Variants in CDK15 observed in about 807,000 individuals in gnomAD.
CDK15 encodes the protein cyclin-dependent kinase 15.
A neutral mutation model predicts 60.3 loss-of-function variants in CDK15; 62 were observed. The ratio of observed to expected loss-of-function variants is 1.03; its 90% CI spans 0.84 to 1.27. The LOEUF is 1.27. Among genes scored for constraint, CDK15 ranks in the 50% most tolerant of loss-of-function variants. CDK15 has a pLI of 0.00. For synonymous variants in CDK15, 194 were observed against 195.7 expected, an observed-to-expected ratio of 0.99 and a Z score of 0.07; for missense variants, 541 against 527.8, an observed-to-expected ratio of 1.03 and a Z score of -0.25.
At chr2:201,845,282 A>T (rs1219582366) in intron 8 of CDK15, among the ~76,000 whole-genome samples, 6 of 152,224 alleles carry the variant, frequency 3.9e-5, no homozygotes, top group Admixed American at 2.6e-4. Context: ...TTAAGCTAAA[A>T]CCAAATATTT....
At chr2:201,881,647 A>G (rs1272220872) in intron 12 of CDK15, among the ~76,000 whole-genome samples, 1 of 152,198 alleles carries the variant, frequency 6.6e-6, no homozygotes, top group Non-Finnish European at 1.5e-5. Flanking sequence ...AGGTGAATCT[A>G]AAGTGGAATT....
chr2:201,877,355 G>A (rs1244597725), intron 11 of CDK15, among the ~76,000 whole-genome samples: 1 of 152,112 alleles, frequency 6.6e-6, no homozygotes, highest in African/African-American at 2.4e-5. Context: ...AGAACAAATC[G>A]CTGATTGGGG....
At position 201,847,401 on chromosome 2, in the gene CDK15, T is replaced by A. The variant is rs1697717847; in HGVS notation, c.872T>A (p.Ile291Asn). The change falls in exon 9 of 14, where the codon ATT becomes AAT. Residue 291 changes from isoleucine (I) to asparagine (N), a missense_variant. Coordinates refer to ENST00000652192, the MANE Select transcript of CDK15 (RefSeq NM_001366386.2). ...LDIWGAGCIF[I>N]EMFQGQPLFP... ...GCTAGGGGTGCAGGCTGCATCTTTA[T>A]TGAAATGTTCCAGGGTCAACCTTTG... The A allele has an allele frequency of 1.2e-6, 2 of 1,614,012 alleles. No homozygotes were observed. Among genetic ancestry groups the A allele is most frequent in the Non-Finnish European group, 1.7e-6 (2 of 1,180,010 alleles).
intron 10 of CDK15, among the ~76,000 whole-genome samples, chr2:201,856,999 G>A: frequency 1.1e-5 from 1 of 89,662 alleles, no homozygotes; most frequent in Non-Finnish European, 2.2e-5. Context: ...CGAGGCGGGT[G>A]GATCATGAGG....
chr2:201,836,267 G>A (rs1187106231), intron 8 of CDK15, among the ~76,000 whole-genome samples: 7 of 138,500 alleles, frequency 5.1e-5, no homozygotes, highest in Non-Finnish European at 7.6e-5. Flanking sequence ...GCAGTGGCAC[G>A]ATCTCAGCTC....
At chr2:201,861,529 A>T (rs1191906041) in intron 10 of CDK15, 3 of 968,162 alleles carry the variant, frequency 3.1e-6, no homozygotes, top group Admixed American at 6.6e-5. Context: ...AAAAGTTCCC[A>T]TTCAGTTTTT....
rs980566169 is a variant in CDK15 at position 201,806,804 on chromosome 2, A to G, written c.123+17A>G. The G allele has an allele frequency of 9.4e-6, 15 of 1,597,778 alleles. No homozygotes were observed. Among genetic ancestry groups the G allele is most frequent in the Non-Finnish European group, 1.3e-5 (15 of 1,179,206 alleles). The stretch of plus-strand genomic sequence containing the variant: ...GCGTTCAAGGTATTTGTATCCCAGG[A>G]GAGAGCATCTTTCTCTATTGATAAA... On this transcript the variant is annotated intron_variant, in intron 1 of 13. Coordinates refer to ENST00000652192, the MANE Select transcript of CDK15 (RefSeq NM_001366386.2).
At chr2:201,884,931 T>A (rs1367272310) in intron 12 of CDK15, among the ~76,000 whole-genome samples, 1 of 152,176 alleles carries the variant, frequency 6.6e-6, no homozygotes, top group Non-Finnish European at 1.5e-5. Context: ...GCAGATCAAG[T>A]ATACAAATAA....
intron 12 of CDK15, among the ~76,000 whole-genome samples, chr2:201,881,500 C>T (rs1248533354): frequency 1.3e-5 from 2 of 152,170 alleles, no homozygotes; most frequent in Non-Finnish European, 2.9e-5. Context: ...GGGGCACCCT[C>T]GCACACATAT....
At chr2:201,860,784 G>C (rs746084126) in intron 10 of CDK15, 124 of 1,352,084 alleles carry the variant, frequency 9.2e-5, no homozygotes, top group Non-Finnish European at 1.2e-4. Context: ...ACATCGGACA[G>C]CATCGTACTG....
At chr2:201,836,153 T>TTATATA (rs1697066736) in intron 8 of CDK15, among the ~76,000 whole-genome samples, 16 of 22,546 alleles carry the variant, frequency 7.1e-4, no homozygotes, top group Non-Finnish European at 1.1e-3. Flanking sequence ...TTATATATAT[T>TTATATA]TTATATATTT....
At chr2:201,846,484 T>G (rs1697670720) in intron 8 of CDK15, among the ~76,000 whole-genome samples, 1 of 134,236 alleles carries the variant, frequency 7.4e-6, no homozygotes, top group African/African-American at 3.2e-5. Flanking sequence ...CAGACCAAGA[T>G]TCCACCAAAA....
At chr2:201,849,976 C>T in intron 9 of CDK15, among the ~76,000 whole-genome samples, 1 of 152,142 alleles carries the variant, frequency 6.6e-6, no homozygotes, top group Middle Eastern at 3.2e-3. Flanking sequence ...AGGTGCCCGC[C>T]ACCACACCTG....
chr2:201,887,413 TTGTC>T (rs1294444698), intron 12 of CDK15, among the ~76,000 whole-genome samples: 11 of 152,210 alleles, frequency 7.2e-5, no homozygotes, highest in Admixed American at 7.2e-4. Context: ...TGGTGTTATA[TTGTC>T]TTAGTTGTTT....
intron 13 of CDK15, among the ~76,000 whole-genome samples, chr2:201,892,558 A>G (rs185349754): frequency 6.6e-6 from 1 of 152,360 alleles, no homozygotes; most frequent in East Asian, 1.9e-4. Flanking sequence ...TGCGCCAGCA[A>G]TTGAAGAAGG....
At chr2:201,866,130 C>T (rs1024455782) in intron 10 of CDK15, among the ~76,000 whole-genome samples, 2 of 151,192 alleles carry the variant, frequency 1.3e-5, no homozygotes, top group Admixed American at 6.6e-5. Flanking sequence ...CTTCAGATAG[C>T]GAAATAAGGC....
chr2:201,856,240 C>A (rs1698141044), intron 10 of CDK15, among the ~76,000 whole-genome samples: 2 of 152,086 alleles, frequency 1.3e-5, no homozygotes, highest in South Asian at 4.1e-4. Context: ...ACATAGGGAG[C>A]TGGGGACTCT....
intron 8 of CDK15, among the ~76,000 whole-genome samples, chr2:201,838,041 T>C (rs1031161949): frequency 2.0e-5 from 3 of 152,182 alleles, no homozygotes; most frequent in African/African-American, 4.8e-5. Context: ...AGGCTCTGGC[T>C]TACTCAGCTC....
At chr2:201,823,865 G>A (rs1696345622) in intron 6 of CDK15, 138 bp downstream of exon 6, 1 of 687,294 alleles carries the variant, frequency 1.5e-6, no homozygotes, top group Non-Finnish European at 2.3e-6. Context: ...AAAAAGTTTT[G>A]TTTTGTTTTC....
Sources: gnomAD v4.1 joint callset for allele counts (sites outside exome capture counted in the v4.1 genomes callset) on GRCh38, gnomAD v4.1.1 for gene constraint, MANE v1.5 for transcripts, NCBI Gene and HGNC (gene_info 2026-07-23, HGNC 2026-07-21) for gene names.